EPHA7: variants seen among roughly 807,000 people sequenced by gnomAD.
The protein encoded by EPHA7 is EPH receptor A7, also known as ephrin type-A receptor 7.
Under a neutral mutation model 112.6 loss-of-function variants are expected in EPHA7, and 25 were observed. That is an observed-to-expected ratio of 0.22 (90% confidence interval 0.16 to 0.31). The LOEUF (loss-of-function observed/expected upper bound fraction) is 0.31, where lower values mean the gene tolerates loss of function less well. Among genes scored for constraint, EPHA7 ranks in the 10% least tolerant of loss-of-function variants. The pLI is 1.00. For synonymous variants in EPHA7, 437 were observed against 406.5 expected, an observed-to-expected ratio of 1.07 and a Z score of -0.90; for missense variants, 962 against 1,212.6, an observed-to-expected ratio of 0.79 and a Z score of 3.07.
intron 5 of EPHA7, among the ~76,000 whole-genome samples, chr6:93,316,755 G>T (rs2127875938): frequency 6.6e-6 from 1 of 152,166 alleles, no homozygotes; most frequent in South Asian, 2.1e-4. Context: ...ATATTTTCAA[G>T]AATTTCCTAT....
At chr6:93,418,650 T>C (rs1047567554) in intron 1 of EPHA7, among the ~76,000 whole-genome samples, 12 of 152,134 alleles carry the variant, frequency 7.9e-5, no homozygotes, top group Non-Finnish European at 1.3e-4. Context: ...GCGGCGTTAT[T>C]GTTCCGTGCT....
chr6:93,418,365 ACCAGAACCAACCCT>A (rs2127999621), intron 1 of EPHA7, among the ~76,000 whole-genome samples: 1 of 152,328 alleles, frequency 6.6e-6, no homozygotes, highest in South Asian at 2.1e-4. Context: ...GCCTTCTCCT[ACCAGAACCAACCCT>A]CAGGGTTCAG....
chr6:93,262,796 T>A (rs796595622), intron 9 of EPHA7, among the ~76,000 whole-genome samples: 5 of 151,418 alleles, frequency 3.3e-5, no homozygotes, highest in African/African-American at 1.2e-4. Flanking sequence ...TTACAATTTG[T>A]GTATTTAAAC....
chr6:93,353,834 C>T (rs896308950), intron 5 of EPHA7, among the ~76,000 whole-genome samples: 1 of 151,768 alleles, frequency 6.6e-6, no homozygotes, highest in Non-Finnish European at 1.5e-5. Flanking sequence ...TACCAATGGC[C>T]CTATTCTTCC....
chr6:93,368,787 T>G (rs1451832198), intron 3 of EPHA7, among the ~76,000 whole-genome samples: 1 of 152,140 alleles, frequency 6.6e-6, no homozygotes, highest in Non-Finnish European at 1.5e-5. Context: ...AAAGCAAAAT[T>G]GTCAGTTAAA....
intron 14 of EPHA7, among the ~76,000 whole-genome samples, chr6:93,248,544 T>C (rs1770061427): frequency 6.6e-6 from 1 of 152,136 alleles, no homozygotes; most frequent in Non-Finnish European, 1.5e-5. Context: ...CTCCCCTGTA[T>C]ATATTTAAAA....
intron 5 of EPHA7, among the ~76,000 whole-genome samples, chr6:93,273,876 TGCTTCCTTAG>T (rs1771347884): frequency 6.6e-6 from 1 of 152,026 alleles, no homozygotes; most frequent in African/African-American, 2.4e-5. Context: ...TTCAAGAGGC[TGCTTCCTTAG>T]GCCATGGCCT....
chr6:93,408,927 C>T (rs1360100950), intron 3 of EPHA7, among the ~76,000 whole-genome samples: 1 of 151,936 alleles, frequency 6.6e-6, no homozygotes, highest in Non-Finnish European at 1.5e-5. Context: ...ATGATTATTT[C>T]CACATGTAAT....
Position 93,249,521 on chromosome 6 carries a change from G to T in EPHA7, c.2533-2536C>A, listed in dbSNP as rs566314723. Reference sequence around the variant, plus strand: ...ATGACCACACAATAAGCAATTGGGGGTATTTTTTTCATTGGAAAATGAGCG... The same window carrying T: ...ATGACCACACAATAAGCAATTGGGGTTATTTTTTTCATTGGAAAATGAGCG... On this transcript the variant is annotated intron_variant, in intron 14 of 16. Coordinates refer to ENST00000369303, the MANE Select transcript of EPHA7 (RefSeq NM_004440.4). Among the ~76,000 whole-genome samples the T allele has an allele frequency of 1.1e-4, 17 of 152,194 alleles. No individual in the cohort carries two copies. The South Asian group carries it at 2.3e-3, about 20-fold the overall frequency.
At chr6:93,271,462 T>C (rs1373389199) in intron 6 of EPHA7, among the ~76,000 whole-genome samples, 2 of 151,848 alleles carry the variant, frequency 1.3e-5, no homozygotes, top group African/African-American at 4.8e-5. Context: ...AAGCCAAAAA[T>C]AGTAACACTT....
At chr6:93,333,236 T>C (rs756150046) in intron 5 of EPHA7, among the ~76,000 whole-genome samples, 4 of 151,844 alleles carry the variant, frequency 2.6e-5, no homozygotes, top group Non-Finnish European at 4.4e-5. Flanking sequence ...TAAGGCTATG[T>C]AGTATTCCAT....
intron 5 of EPHA7, among the ~76,000 whole-genome samples, chr6:93,326,042 C>T (rs1298620987): frequency 6.6e-6 from 1 of 151,376 alleles, no homozygotes; most frequent in Non-Finnish European, 1.5e-5. Context: ...TTATAAACTG[C>T]CTGCTGTGTT....
chr6:93,348,475 CA>C (rs1469783452), intron 5 of EPHA7, among the ~76,000 whole-genome samples: 1 of 151,706 alleles, frequency 6.6e-6, no homozygotes. Flanking sequence ...ATTATATTTT[CA>C]ACAAGCTTTC....
At chr6:93,243,748 G>A (rs767323075) in intron 16 of EPHA7, among the ~76,000 whole-genome samples, 2 of 152,010 alleles carry the variant, frequency 1.3e-5, no homozygotes, top group African/African-American at 4.8e-5. Flanking sequence ...AACTGCTCAG[G>A]TTCTCAATTT....
In EPHA7 at chr6:93,291,490, C is replaced by T. The variant is rs1562073166; in HGVS notation, c.1325-19068G>A. Among the ~76,000 whole-genome samples, 9 of 152,096 alleles carry T rather than the reference C, an allele frequency of 5.9e-5. 1 individual carries two copies. In the South Asian group the frequency reaches 1.4e-3, roughly 24 times the overall value. On this transcript the variant is annotated intron_variant, in intron 5 of 16. Transcript: ENST00000369303. ...ACAGATAAAAAATACTTTTCTGGGC[C>T]GGGCGCGGTGGCTCACGCCTGTAAT...
At chr6:93,244,796 C>T (rs1016622853) in intron 16 of EPHA7, among the ~76,000 whole-genome samples, 5 of 152,024 alleles carry the variant, frequency 3.3e-5, no homozygotes, top group Admixed American at 6.6e-5. Flanking sequence ...TCATATTGGA[C>T]GTTCTAATGC....
intron 14 of EPHA7, among the ~76,000 whole-genome samples, chr6:93,251,171 GT>G (rs1770191311): frequency 6.6e-6 from 1 of 151,914 alleles, no homozygotes; most frequent in Non-Finnish European, 1.5e-5. Context: ...TTTTGGCAAA[GT>G]TTTACATAAA....
intron 5 of EPHA7, among the ~76,000 whole-genome samples, chr6:93,283,806 G>A (rs986063991): frequency 1.3e-5 from 2 of 152,030 alleles, no homozygotes; most frequent in Non-Finnish European, 2.9e-5. Flanking sequence ...CCCCAATTCC[G>A]GACACAGTAA....
At chr6:93,370,828 C>T (rs570700817) in intron 3 of EPHA7, among the ~76,000 whole-genome samples, 1 of 151,840 alleles carries the variant, frequency 6.6e-6, no homozygotes, top group East Asian at 1.9e-4. Context: ...TGTAAAGTAC[C>T]TTAATATTCA....
Sources: gnomAD v4.1 joint callset for allele counts (sites outside exome capture counted in the v4.1 genomes callset) on GRCh38, gnomAD v4.1.1 for gene constraint, MANE v1.5 for transcripts, NCBI Gene and HGNC (gene_info 2026-07-23, HGNC 2026-07-21) for gene names.